The following DST variants were observed in gnomAD, a reference collection of about 807,000 sequenced individuals.
DST encodes the protein dystonin, also known as bullous pemphigoid antigen.
DST carries 253 observed loss-of-function variants against 875.2 expected under a neutral mutation model. The observed-to-expected ratio is 0.29, with a 90% CI of 0.26 to 0.32. The LOEUF (loss-of-function observed/expected upper bound fraction) is 0.32. Ranked by LOEUF, DST falls within the 10% of genes least tolerant of loss-of-function variation. DST has a pLI of 1.00. For missense variants in DST, 8,287 were observed against 9,111.6 expected, an observed-to-expected ratio of 0.91 and a Z score of 3.68; for synonymous variants, 3,124 against 3,197.1, an observed-to-expected ratio of 0.98 and a Z score of 0.77.
At chr6:56,636,418 A>G in intron 23 of DST, 139 bp downstream of exon 23, 1 of 681,598 alleles carries the variant, frequency 1.5e-6, no homozygotes, top group Non-Finnish European at 2.6e-6. Flanking sequence ...ATATACACAC[A>G]TATATGTGTA....
intron 44 of DST, 101 bp from the exon 45 acceptor site, chr6:56,600,322 T>C (rs2152701663): frequency 9.2e-7 from 1 of 1,089,718 alleles, no homozygotes; most frequent in Non-Finnish European, 1.3e-6. Context: ...TTTTGTCTAA[T>C]AAGCTTTTAT....
chr6:56,770,962 G>C (rs997745504), intron 4 of DST, among the ~76,000 whole-genome samples: 12 of 149,196 alleles, frequency 8.0e-5, no homozygotes. Flanking sequence ...TCACACCATT[G>C]CACTCCAGCC....
chr6:56,616,805 G>C, intron 36 of DST: 1 of 1,614,128 alleles, frequency 6.2e-7, no homozygotes, highest in South Asian at 1.1e-5. Context: ...TGTCTTAGAA[G>C]AATAAGAATA....
Position 56,633,652 on chromosome 6 carries a change from C to A in DST, c.3621+480G>T, listed in dbSNP as rs140039227. On this transcript the variant is annotated intron_variant, in intron 27 of 103. Coordinates refer to ENST00000680361, the MANE Select transcript of DST (RefSeq NM_001374736.1). ...AGTAGCTAAGATTACAGGCATGCACCACCACACCTGGCTAGTTTTGTATTT... is the reference window on the plus strand; with the variant it reads ...AGTAGCTAAGATTACAGGCATGCACAACCACACCTGGCTAGTTTTGTATTT... Among the ~76,000 whole-genome samples, 48 of 152,100 alleles carry A rather than the reference C, an allele frequency of 3.2e-4. No individual in the cohort carries two copies. The East Asian group carries it at 9.1e-3, about 29-fold the overall frequency.
intron 3 of DST, among the ~76,000 whole-genome samples, chr6:56,861,417 C>T (rs558984832): frequency 1.3e-5 from 2 of 152,280 alleles, no homozygotes; most frequent in South Asian, 4.1e-4. Flanking sequence ...AGGTGGGATG[C>T]TTCATATTGC....
intron 3 of DST, among the ~76,000 whole-genome samples, chr6:56,868,759 G>C (rs947577974): frequency 6.6e-6 from 1 of 152,088 alleles, no homozygotes; most frequent in African/African-American, 2.4e-5. Context: ...TGGAGTTTTA[G>C]GTTCAACTCC....
Position 56,640,249 on chromosome 6 carries a change from A to G in DST, c.2384T>C (p.Ile795Thr), listed in dbSNP as rs767431501. 6.2e-7 allele frequency: 1 copy of G among 1,614,184 alleles called. No individual in the cohort carries two copies. Among genetic ancestry groups the G allele is most frequent in the Non-Finnish European group, 8.5e-7 (1 of 1,180,016 alleles). ...AGAAGACTTTAGAAGGGGTTTTCGGATCTGCATCAACTTCAAAGTTTGCAA... is the reference window on the plus strand; with the variant it reads ...AGAAGACTTTAGAAGGGGTTTTCGGGTCTGCATCAACTTCAAAGTTTGCAA... ...NSLQTLKLMQ[I>T]RKPLLKSSLL... The change falls in exon 18 of 104, where the codon ATC becomes ACC. Residue 795 changes from isoleucine to threonine, a missense_variant. Around this residue, in one of 10 missense-constraint regions of DST, gnomAD observed 1,160 missense variants for 1,424.3 expected, o/e 0.81. Transcript: ENST00000680361.
intron 3 of DST, among the ~76,000 whole-genome samples, chr6:56,869,177 T>C (rs995315376): frequency 2.0e-5 from 3 of 152,198 alleles, no homozygotes; most frequent in African/African-American, 4.8e-5. Flanking sequence ...AGTCTAGTCA[T>C]ACAAAAACAA....
rs2098487605 is a variant in DST, at chr6:56,605,595, T to C, written c.9033A>G (p.Glu3011=). 1.2e-6 allele frequency: 2 copies of C among 1,613,130 alleles called. No homozygotes were observed. The highest frequency in any genetic ancestry group is 1.7e-6 in the Non-Finnish European group (2 of 1,179,358). ...CAGAGGCTATCAATGACAAATGGCTTTCCTCAGCAGGTTTTCCTATTAAAT... is the reference window on the plus strand; with the variant it reads ...CAGAGGCTATCAATGACAAATGGCTCTCCTCAGCAGGTTTTCCTATTAAAT... ...EPDLIGKPAE[E]SHLSLIASVT... The change falls in exon 40 of 104, where the codon GAA becomes GAG. Residue 3011 remains glutamate (E), a synonymous_variant. Transcript: ENST00000680361.
At chr6:56,751,688 T>C (rs1269844032) in intron 4 of DST, among the ~76,000 whole-genome samples, 3 of 152,184 alleles carry the variant, frequency 2.0e-5, no homozygotes, top group African/African-American at 7.2e-5. Context: ...GCCCATTACC[T>C]ACAGACCAAG....
chr6:56,650,756 T>C (rs979395132), intron 12 of DST, among the ~76,000 whole-genome samples, 170 bp downstream of exon 12: 4 of 152,198 alleles, frequency 2.6e-5, no homozygotes, highest in Non-Finnish European at 5.9e-5. Flanking sequence ...AATTTAATGG[T>C]AGAATAATGT....
At position 56,526,472 on chromosome 6, in the gene DST, T is replaced by C. The variant is rs764041371; in HGVS notation, c.18018A>G (p.Arg6006=). The change falls in exon 69 of 104, where the codon AGA becomes AGG. Residue 6006 remains arginine, a synonymous_variant. Transcript: ENST00000680361. Reference sequence around the variant, plus strand: ...CAGCTACCATTTTCTCAAGTCCTTCTCTTGCCCTCCATGGTACCAGTTCCA... The same window carrying C: ...CAGCTACCATTTTCTCAAGTCCTTCCCTTGCCCTCCATGGTACCAGTTCCA... The part of the protein sequence containing the change: ...ALLELVPWRA[R]EGLEKMVAED... The C allele has an allele frequency of 1.2e-6, 2 of 1,613,888 alleles. No individual in the cohort carries two copies. The highest frequency in any genetic ancestry group is 1.7e-6 in the Non-Finnish European group (2 of 1,179,818).
intron 80 of DST, among the ~76,000 whole-genome samples, chr6:56,498,293 C>G (rs1003852729): frequency 6.6e-6 from 1 of 152,130 alleles, no homozygotes; most frequent in Non-Finnish European, 1.5e-5. Flanking sequence ...CCATTTCAGC[C>G]TCTCAAATAG....
intron 49 of DST, among the ~76,000 whole-genome samples, chr6:56,590,563 G>T (rs1326362268): frequency 6.6e-6 from 1 of 151,966 alleles, no homozygotes; most frequent in African/African-American, 2.4e-5. Flanking sequence ...AATACATGGG[G>T]ATATAAAAAC....
At chr6:56,469,341 G>T (rs928807227) in intron 97 of DST, among the ~76,000 whole-genome samples, 1 of 150,388 alleles carries the variant, frequency 6.6e-6, no homozygotes, top group Non-Finnish European at 1.5e-5. Context: ...ACATATAAGA[G>T]ATGTTCCAAA....
chr6:56,907,505 G>A (rs963863357), intron 2 of DST, among the ~76,000 whole-genome samples: 1 of 152,214 alleles, frequency 6.6e-6, no homozygotes, highest in Non-Finnish European at 1.5e-5. Flanking sequence ...AGGCTTTTCA[G>A]GGTTAAGTAA....
chr6:56,748,646 C>G (rs2099579096), intron 4 of DST, among the ~76,000 whole-genome samples: 1 of 152,196 alleles, frequency 6.6e-6, no homozygotes, highest in African/African-American at 2.4e-5. Flanking sequence ...AATTTCACAT[C>G]ATCTCACAAC....
chr6:56,566,141 G>C (rs1249806929), intron 55 of DST, among the ~76,000 whole-genome samples: 1 of 152,194 alleles, frequency 6.6e-6, no homozygotes, highest in Non-Finnish European at 1.5e-5. Context: ...CTCCGTAGGG[G>C]TTGGATCTGC....
In DST at chr6:56,840,297, C is replaced by A. The variant is rs958889611; in HGVS notation, c.625+11100G>T. Among the ~76,000 whole-genome samples the A allele has an allele frequency of 5.9e-5, 9 of 152,144 alleles. No homozygotes were observed. The South Asian group carries it at 1.7e-3, about 28-fold the overall frequency. ...ATAAGATACTACTGTATCTTTTAAG[C>A]TAAGCTACTAAGAATGTTTTGTATT... On this transcript the variant is annotated intron_variant, in intron 4 of 103. Coordinates refer to ENST00000680361, the MANE Select transcript of DST (RefSeq NM_001374736.1).
Sources: gnomAD v4.1 joint callset for allele counts (sites outside exome capture counted in the v4.1 genomes callset) on GRCh38, gnomAD v4.1.1 for gene constraint, gnomAD v4.1.1 regional missense constraint, MANE v1.5 for transcripts, NCBI Gene and HGNC (gene_info 2026-07-23, HGNC 2026-07-21) for gene names.